RORB: variants seen among roughly 807,000 people sequenced by gnomAD.
RORB encodes the protein nuclear receptor ROR-beta.
Under a neutral mutation model 59.1 loss-of-function variants are expected in RORB, and 6 were observed. The ratio of observed to expected loss-of-function variants is 0.10; its 90% CI spans 0.06 to 0.20. RORB has a LOEUF of 0.20. RORB is among the 10% of genes least tolerant of loss of function. The pLI is 1.00. For missense variants in RORB, 320 were observed against 560.5 expected (o/e 0.57, Z 4.33); for synonymous variants, 215 against 204.5 (o/e 1.05, Z -0.44).
chr9:74,550,843 T>C (rs1826596434), intron 1 of RORB, among the ~76,000 whole-genome samples: 1 of 152,230 alleles, frequency 6.6e-6, no homozygotes, highest in African/African-American at 2.4e-5. Flanking sequence ...AGTTGAAATG[T>C]GGCCAGTCCA....
rs141316708 is a variant in RORB at position 74,535,943 on chromosome 9, T to C, written c.7+37960T>C. On this transcript the variant is annotated intron_variant, in intron 1 of 9. Transcript: ENST00000376896. ...GTTGATTATCTATAAATTATGGATA[T>C]AAGGGATAGTAGGTCCTGGTCTTAG... Among the ~76,000 whole-genome samples the C allele has an allele frequency of 5.6e-3, 848 of 152,134 alleles. 6 individuals are homozygous for C. The highest frequency in any genetic ancestry group is 7.1e-3 in the Non-Finnish European group (486 of 67,976).
At chr9:74,528,234 T>C (rs933039634) in intron 1 of RORB, among the ~76,000 whole-genome samples, 1 of 151,994 alleles carries the variant, frequency 6.6e-6, no homozygotes, top group Non-Finnish European at 1.5e-5. Context: ...TGAGGGGTTC[T>C]TAGAGTCCAA....
chr9:74,663,286 A>G (rs1423013315), intron 6 of RORB, among the ~76,000 whole-genome samples: 1 of 152,230 alleles, frequency 6.6e-6, no homozygotes, highest in Admixed American at 6.5e-5. Flanking sequence ...TAACATACTC[A>G]TAAGTAAAAT....
intron 1 of RORB, among the ~76,000 whole-genome samples, chr9:74,578,396 C>T (rs932169933): frequency 2.6e-5 from 4 of 152,138 alleles, no homozygotes; most frequent in African/African-American, 9.6e-5. Context: ...GTCCTATTGC[C>T]ACATTATTTG....
chr9:74,529,202 A>T (rs1471628451), intron 1 of RORB, among the ~76,000 whole-genome samples: 3 of 152,000 alleles, frequency 2.0e-5, no homozygotes, highest in African/African-American at 7.2e-5. Flanking sequence ...GGGGAGAGAT[A>T]TTAAAACCCA....
At chr9:74,635,521 AT>A (rs1388148285) in intron 3 of RORB, among the ~76,000 whole-genome samples, 2 of 152,174 alleles carry the variant, frequency 1.3e-5, no homozygotes, top group Non-Finnish European at 2.9e-5. Flanking sequence ...ATCCAAAGTA[AT>A]TCTTTCCCTG....
chr9:74,641,532 G>A (rs757929898), intron 3 of RORB, among the ~76,000 whole-genome samples: 1 of 152,092 alleles, frequency 6.6e-6, no homozygotes, highest in Non-Finnish European at 1.5e-5. Context: ...CCAACTGAAG[G>A]CAAATGATGC....
chr9:74,620,699 C>G (rs1248371237), intron 1 of RORB, among the ~76,000 whole-genome samples: 2 of 152,152 alleles, frequency 1.3e-5, no homozygotes, highest in East Asian at 3.9e-4. Context: ...ATAAATTTCC[C>G]TCTACACACT....
intron 1 of RORB, among the ~76,000 whole-genome samples, chr9:74,563,498 C>A (rs1822429015): frequency 1.3e-5 from 2 of 152,134 alleles, no homozygotes; most frequent in African/African-American, 4.8e-5. Context: ...GTATCCTTAT[C>A]AGAACTATTT....
intron 9 of RORB, among the ~76,000 whole-genome samples, chr9:74,672,566 A>G (rs941329271): frequency 7.9e-5 from 12 of 152,202 alleles, no homozygotes; most frequent in African/African-American, 2.4e-4. Flanking sequence ...CATGTCATCA[A>G]TTTCTTGATT....
intron 9 of RORB, among the ~76,000 whole-genome samples, chr9:74,680,775 T>C (rs1824535184): frequency 6.6e-6 from 1 of 152,236 alleles, no homozygotes; most frequent in African/African-American, 2.4e-5. Context: ...TTCTTCCAAT[T>C]TGATCAAACC....
At chr9:74,498,143 G>C (rs1235097576) in intron 1 of RORB, 160 bp downstream of exon 1, 1 of 805,298 alleles carries the variant, frequency 1.2e-6, no homozygotes, top group African/African-American at 1.7e-5. Flanking sequence ...TGGCCTGGGC[G>C]TAGAAAGTTG....
intron 1 of RORB, among the ~76,000 whole-genome samples, chr9:74,609,957 A>G (rs1021506587): frequency 1.3e-5 from 2 of 152,224 alleles, no homozygotes; most frequent in African/African-American, 4.8e-5. Context: ...AAAAAGAATT[A>G]TCCAGCCCAA....
At chr9:74,671,645 T>C (rs868104693) in intron 8 of RORB, 144 bp from the exon 9 acceptor site, 2 of 505,552 alleles carry the variant, frequency 4.0e-6, no homozygotes, top group Middle Eastern at 2.9e-4. Context: ...GAAATACTTA[T>C]GTTTTATGTA....
chr9:74,602,908 C>T (rs1823090458), intron 1 of RORB, among the ~76,000 whole-genome samples: 1 of 152,138 alleles, frequency 6.6e-6, no homozygotes, highest in South Asian at 2.1e-4. Flanking sequence ...TTATAATGCT[C>T]TCCCAAAATA....
At chr9:74,662,702 A>G in intron 6 of RORB, 96 bp downstream of exon 6, 1 of 1,324,336 alleles carries the variant, frequency 7.6e-7, no homozygotes, top group East Asian at 2.3e-5. Flanking sequence ...TCCGATATGC[A>G]GCTCGTTTCT....
chr9:74,578,501 T>C (rs1822670456), intron 1 of RORB, among the ~76,000 whole-genome samples: 1 of 152,112 alleles, frequency 6.6e-6, no homozygotes, highest in African/African-American at 2.4e-5. Context: ...TTTACCCATG[T>C]AACAAACCTG....
rs1261169706 is a variant in RORB at position 74,685,635 on chromosome 9, G to A, written c.*17G>A. The A allele has an allele frequency of 1.3e-6, 2 of 1,550,222 alleles. No homozygotes were observed. The highest frequency in any genetic ancestry group is 1.7e-4 in the Middle Eastern group (1 of 5,772). ...TGCAAATGAAGGGGACAAGAGAACT[G>A]TCTCATAGTCATGGAATGCATCACC... On this transcript the variant is annotated 3_prime_UTR_variant, in exon 10 of 10. Coordinates refer to ENST00000376896, the MANE Select transcript of RORB (RefSeq NM_006914.4).
At chr9:74,588,404 C>A (rs888559798) in intron 1 of RORB, among the ~76,000 whole-genome samples, 3 of 152,120 alleles carry the variant, frequency 2.0e-5, no homozygotes, top group Non-Finnish European at 4.4e-5. Flanking sequence ...TTGACTTTGA[C>A]AAAGTCAGGT....
Sources: gnomAD v4.1 joint callset for allele counts (sites outside exome capture counted in the v4.1 genomes callset) on GRCh38, gnomAD v4.1.1 for gene constraint, MANE v1.5 for transcripts, NCBI Gene and HGNC (gene_info 2026-07-23, HGNC 2026-07-21) for gene names.